PRKN: variants seen among roughly 807,000 people sequenced by gnomAD.
The protein encoded by PRKN is E3 ubiquitin-protein ligase parkin.
PRKN carries 56 observed loss-of-function variants against 59.5 expected under a neutral mutation model. The ratio of observed to expected loss-of-function variants is 0.94; its 90% CI spans 0.76 to 1.18. PRKN has a LOEUF of 1.18. PRKN is among the 50% of genes most tolerant of loss of function. The pLI is 0.00. For missense variants in PRKN, 657 were observed against 596.4 expected (o/e 1.10, Z -1.06); for synonymous variants, 250 against 222.1 (o/e 1.13, Z -1.12).
intron 1 of PRKN, among the ~76,000 whole-genome samples, chr6:162,601,134 G>A (rs768297396): frequency 6.6e-6 from 1 of 152,114 alleles, no homozygotes; most frequent in Admixed American, 6.6e-5. Flanking sequence ...TCATAAGATG[G>A]TGAAGGGCAC....
intron 4 of PRKN, among the ~76,000 whole-genome samples, chr6:162,185,536 C>T (rs1400832724): frequency 6.6e-6 from 1 of 152,154 alleles, no homozygotes; most frequent in Admixed American, 6.5e-5. Flanking sequence ...GTGTTATCTG[C>T]GTCCTTCATT....
At position 161,386,258 on chromosome 6, in the gene PRKN, A is replaced by T. The variant is rs1786234734; in HGVS notation, c.1167+536T>A. 1.3e-5 allele frequency among the ~76,000 whole-genome samples: 2 copies of T among 152,206 alleles called. No homozygotes were observed. Among genetic ancestry groups the T allele is most frequent in the African/African-American group, 4.8e-5 (2 of 41,454 alleles). Reference sequence around the variant, plus strand: ...AATAAAATGCATTTGCACTTTCCTAAGACTGAGATAGCACCTTAGAGAGTG... The same window carrying T: ...AATAAAATGCATTTGCACTTTCCTATGACTGAGATAGCACCTTAGAGAGTG... On this transcript the variant is annotated intron_variant, in intron 10 of 11. Coordinates refer to ENST00000366898, the MANE Select transcript of PRKN (RefSeq NM_004562.3). The surrounding 1 kb of genome is among the most constrained non-coding windows in gnomAD (Gnocchi z 4.3).
Position 161,632,981 on chromosome 6 carries a change from C to T in PRKN, c.872-63565G>A, listed in dbSNP as rs1433256938. Among the ~76,000 whole-genome samples the T allele has an allele frequency of 2.0e-5, 3 of 152,172 alleles. No homozygotes were observed. In the East Asian group the frequency reaches 5.8e-4, roughly 29 times the overall value. On this transcript the variant is annotated intron_variant, in intron 7 of 11. Transcript: ENST00000366898. ...GGGTGGGGACACAGTCAAACCATAT[C>T]AGAAGCTTTGCAGATCATTGTCTCT...
chr6:162,010,851 TTAATATATATAATATATTATAA>T, intron 5 of PRKN, among the ~76,000 whole-genome samples: 1 of 7,830 alleles, frequency 1.3e-4, no homozygotes, highest in African/African-American at 1.4e-3. Flanking sequence ...ATACATAATA[TTAATATATATAATATATTATAA>T]AATATATTAT....
chr6:161,356,352 T>C lies in PRKN; in HGVS notation c.1285+3736A>G, dbSNP rs1465715106. ...CTGAAGGACAGGAAGGAGCCAGCCATGGGCAGTGACGACACAGAAGCGTCC... is the reference window on the plus strand; with the variant it reads ...CTGAAGGACAGGAAGGAGCCAGCCACGGGCAGTGACGACACAGAAGCGTCC... On this transcript the variant is annotated intron_variant, in intron 11 of 11. Coordinates refer to ENST00000366898, the MANE Select transcript of PRKN (RefSeq NM_004562.3). The surrounding 1 kb of genome is among the most constrained non-coding windows in gnomAD (Gnocchi z 7.8). Among the ~76,000 whole-genome samples, 2 of 152,080 alleles carry C rather than the reference T, an allele frequency of 1.3e-5. No homozygotes were observed. Among genetic ancestry groups the C allele is most frequent in the African/African-American group, 2.4e-5 (1 of 41,406 alleles).
At chr6:162,295,093 T>G (rs952826953) in intron 2 of PRKN, among the ~76,000 whole-genome samples, 4 of 152,230 alleles carry the variant, frequency 2.6e-5, no homozygotes, top group African/African-American at 9.6e-5. Context: ...AAGTTGTATT[T>G]CAGAATCTGT....
intron 9 of PRKN, among the ~76,000 whole-genome samples, chr6:161,494,038 G>C (rs1009087422): frequency 3.9e-5 from 6 of 152,202 alleles, no homozygotes; most frequent in Non-Finnish European, 5.9e-5. Context: ...CTACCATGGA[G>C]ACAGAAACTG....
intron 1 of PRKN, among the ~76,000 whole-genome samples, chr6:162,472,864 T>C (rs2064749717): frequency 6.6e-6 from 1 of 150,464 alleles, no homozygotes; most frequent in Non-Finnish European, 1.5e-5. Context: ...CAGAACAAGG[T>C]AGAATTCAAC....
At chr6:162,688,073 T>C (rs1189740627) in intron 1 of PRKN, among the ~76,000 whole-genome samples, 2 of 152,138 alleles carry the variant, frequency 1.3e-5, no homozygotes, top group Non-Finnish European at 2.9e-5. Flanking sequence ...AATGGGGAAA[T>C]ATTTTACTTA....
At chr6:161,536,081 A>G (rs1363033763) in intron 9 of PRKN, among the ~76,000 whole-genome samples, 1 of 152,014 alleles carries the variant, frequency 6.6e-6, no homozygotes, top group Non-Finnish European at 1.5e-5. Context: ...TTTTTCCCCA[A>G]TATCTGCCCA....
chr6:161,927,703 A>C (rs972047616), intron 6 of PRKN, among the ~76,000 whole-genome samples: 8 of 152,064 alleles, frequency 5.3e-5, no homozygotes, highest in African/African-American at 1.9e-4. Context: ...TGAACTTGGG[A>C]GGCGGAAGTT....
chr6:162,170,903 A>T (rs1783241211), intron 4 of PRKN, among the ~76,000 whole-genome samples: 1 of 150,658 alleles, frequency 6.6e-6, no homozygotes, highest in African/African-American at 2.5e-5. Flanking sequence ...AATAAATTTA[A>T]TAAGAAAGGT....
chr6:161,779,435 C>CTTTTTTTTTTTTTTTTTTTTT (rs1583153971), intron 7 of PRKN, among the ~76,000 whole-genome samples: 1 of 40,432 alleles, frequency 2.5e-5, no homozygotes, highest in African/African-American at 8.2e-5. Flanking sequence ...TTTTTCTTTT[C>CTTTTTTTTTTTTTTTTTTTTT]TTTTCTTTTT....
chr6:162,599,910 G>A (rs535725831), intron 1 of PRKN, among the ~76,000 whole-genome samples: 1 of 152,280 alleles, frequency 6.6e-6, no homozygotes, highest in South Asian at 2.1e-4. Context: ...TATTAATTCA[G>A]TTAATAAATT....
Position 162,069,796 on chromosome 6 carries a change from TAAG to T in PRKN, c.535-15625_535-15623del, listed in dbSNP as rs1475009813. ...GAAAACAATAATTAAGAGAAGATCT[TAAG>T]AAGACACCTAATCTAGTTCTTATTA... On this transcript the variant is annotated intron_variant, in intron 4 of 11. Transcript: ENST00000366898. Among the ~76,000 whole-genome samples, 5 of 152,194 alleles carry T rather than the reference TAAG, an allele frequency of 3.3e-5. No individual in the cohort carries two copies. The East Asian group carries it at 9.6e-4, about 29-fold the overall frequency.
intron 2 of PRKN, among the ~76,000 whole-genome samples, chr6:162,292,483 C>T (rs941818772): frequency 1.3e-5 from 2 of 152,130 alleles, no homozygotes; most frequent in Admixed American, 6.6e-5. Flanking sequence ...TAAAAAAAAT[C>T]CCAGGCAAAC....
At chr6:162,304,218 T>A (rs1334999547) in intron 2 of PRKN, among the ~76,000 whole-genome samples, 1 of 150,828 alleles carries the variant, frequency 6.6e-6, no homozygotes, top group East Asian at 1.9e-4. Flanking sequence ...CAATCCCCTA[T>A]TATTTTGGCA....
intron 4 of PRKN, among the ~76,000 whole-genome samples, chr6:162,184,481 G>C (rs1783935302): frequency 6.6e-6 from 1 of 152,152 alleles, no homozygotes; most frequent in Admixed American, 6.6e-5. Flanking sequence ...TAGGGATTAA[G>C]TTCTCATGAG....
At chr6:162,153,279 G>A (rs928933615) in intron 4 of PRKN, among the ~76,000 whole-genome samples, 4 of 152,212 alleles carry the variant, frequency 2.6e-5, no homozygotes, top group Non-Finnish European at 4.4e-5. Context: ...GCCTGCTGTG[G>A]CGCACCCCTT....
Sources: allele counts gnomAD v4.1 joint callset (sites outside exome capture counted in the v4.1 genomes callset), GRCh38; gene constraint gnomAD v4.1.1; non-coding constraint Gnocchi (gnomAD v3.1); transcripts MANE v1.5; gene names NCBI Gene and HGNC (gene_info 2026-07-23, HGNC 2026-07-21).